The following TIMP2 variants were observed in gnomAD, a reference collection of about 807,000 sequenced individuals.
TIMP2 encodes TIMP metallopeptidase inhibitor 2.
Under a neutral mutation model 24.3 loss-of-function variants are expected in TIMP2, and 5 were observed. The ratio of observed to expected loss-of-function variants is 0.21; its 90% CI spans 0.11 to 0.43. TIMP2 has a LOEUF of 0.43. TIMP2 is among the 20% of genes least tolerant of loss of function. TIMP2 has a pLI of 1.00. For synonymous variants in TIMP2, 130 were observed against 123.2 expected, an observed-to-expected ratio of 1.06 and a Z score of -0.37; for missense variants, 221 against 297.5, an observed-to-expected ratio of 0.74 and a Z score of 1.89.
chr17:78,865,045 G>A (rs1038945298), intron 3 of TIMP2, among the ~76,000 whole-genome samples: 4 of 151,804 alleles, frequency 2.6e-5, no homozygotes, highest in Admixed American at 2.0e-4. Flanking sequence ...TGTTGCCTCC[G>A]TCTCATAAAT....
At chr17:78,874,116 G>GCCT (rs981765631) in intron 1 of TIMP2, 197 bp from the exon 2 acceptor site, 4 of 533,356 alleles carry the variant, frequency 7.5e-6, no homozygotes, top group Non-Finnish European at 1.3e-5. Flanking sequence ...ATGATGCCCA[G>GCCT]CCTCCTCCTC....
At chr17:78,899,032 C>T (rs1172918165) in intron 1 of TIMP2, 1 of 152,058 alleles carries the variant, frequency 6.6e-6, no homozygotes, top group African/African-American at 2.4e-5. Context: ...GCCCCCGCAC[C>T]CGCCAGACTC....
intron 1 of TIMP2, among the ~76,000 whole-genome samples, chr17:78,911,713 G>A (rs1418838600): frequency 6.6e-6 from 1 of 151,996 alleles, no homozygotes; most frequent in African/African-American, 2.4e-5. Context: ...TTACAGGCAT[G>A]AGCCACCCCA....
At chr17:78,862,180 G>A (rs2069572481) in intron 3 of TIMP2, among the ~76,000 whole-genome samples, 1 of 152,246 alleles carries the variant, frequency 6.6e-6, no homozygotes, top group African/African-American at 2.4e-5. Context: ...ACGTGAGACT[G>A]AGTCATCGGT....
At chr17:78,871,091 G>A in intron 2 of TIMP2, 85 bp from the exon 3 acceptor site, 1 of 1,144,740 alleles carries the variant, frequency 8.7e-7, no homozygotes, top group Non-Finnish European at 1.3e-6. Context: ...ACCCTGGGCG[G>A]CACAACCTGT....
At chr17:78,912,169 C>T (rs983697656) in intron 1 of TIMP2, among the ~76,000 whole-genome samples, 8 of 152,194 alleles carry the variant, frequency 5.3e-5, no homozygotes, top group African/African-American at 1.9e-4. Flanking sequence ...GGATTCAGAA[C>T]CAGTCCCACT....
intron 3 of TIMP2, among the ~76,000 whole-genome samples, chr17:78,866,012 C>CAG (rs35707025): frequency 0.19 from 28,578 of 152,110 alleles, 3,192 homozygotes; most frequent in African/African-American, 0.3. Context: ...TAGGAACAAA[C>CAG]AGGATGCAGA....
rs111970104 is a variant in TIMP2 at position 78,866,708 on chromosome 17, T to C, written c.340+4190A>G. ...ATCCATACAGTGGAATACTCAGTCATAGAAAGGAATGAAATTCTGATACAC... is the reference window on the plus strand; with the variant it reads ...ATCCATACAGTGGAATACTCAGTCACAGAAAGGAATGAAATTCTGATACAC... On this transcript the variant is annotated intron_variant, in intron 3 of 4. Coordinates refer to ENST00000262768, the MANE Select transcript of TIMP2 (RefSeq NM_003255.5). Among the ~76,000 whole-genome samples the C allele has an allele frequency of 6.1e-3, 927 of 152,166 alleles. 8 individuals are homozygous for C. Among genetic ancestry groups the C allele is most frequent in the African/African-American group, 0.021 (864 of 41,488 alleles).
chr17:78,899,026 C>G (rs1182918472), intron 1 of TIMP2: 1 of 152,362 alleles, frequency 6.6e-6, no homozygotes, highest in East Asian at 1.9e-4. Context: ...GCATGAGCCC[C>G]CGCACCCGCC....
rs982321367 is a variant in TIMP2, at chr17:78,920,366, G to C, written c.130+4593C>G. 3.3e-5 allele frequency among the ~76,000 whole-genome samples: 5 copies of C among 152,194 alleles called. No homozygotes were observed. Among genetic ancestry groups the C allele is most frequent in the African/African-American group, 1.2e-4 (5 of 41,450 alleles). ...CGTGGCTCTGCACCCCCAGAAGGGT[G>C]CAAATAGGGGAGGCCCGAGAGGCTC... On this transcript the variant is annotated intron_variant, in intron 1 of 4. Coordinates refer to ENST00000262768, the MANE Select transcript of TIMP2 (RefSeq NM_003255.5). This position sits in a 1 kb window ranked among gnomAD's most constrained non-coding sequence, Gnocchi z 4.5.
At chr17:78,907,840 T>G (rs2070174946) in intron 1 of TIMP2, among the ~76,000 whole-genome samples, 2 of 152,166 alleles carry the variant, frequency 1.3e-5, no homozygotes, top group Non-Finnish European at 2.9e-5. Flanking sequence ...CCCTCATGTG[T>G]CCAAACGTTC....
intron 3 of TIMP2, among the ~76,000 whole-genome samples, chr17:78,860,442 T>C (rs2069558801): frequency 6.6e-6 from 1 of 152,214 alleles, no homozygotes; most frequent in African/African-American, 2.4e-5. Flanking sequence ...GAAGGACTAA[T>C]GCAGCTCATC....
chr17:78,856,847 C>T (rs2069527944), intron 4 of TIMP2: 1 of 152,314 alleles, frequency 6.6e-6, no homozygotes, highest in Non-Finnish European at 1.5e-5. Context: ...ATAAGCCACA[C>T]AGGCGTTTGC....
At chr17:78,922,638 C>T (rs965105715) in intron 1 of TIMP2, among the ~76,000 whole-genome samples, 8 of 151,910 alleles carry the variant, frequency 5.3e-5, no homozygotes, top group Admixed American at 3.9e-4. Context: ...GCCAACATGG[C>T]GAATTCCTGT....
rs1461631561 is a variant in TIMP2, at chr17:78,924,926, C to A, written c.130+33G>T. 1.7e-6 allele frequency: 2 copies of A among 1,199,508 alleles called. No homozygotes were observed. The highest frequency in any genetic ancestry group is 1.0e-6 in the Non-Finnish European group (1 of 960,060). 74.3% of individuals were successfully genotyped at this position (1,199,508 alleles called of 1,614,324 possible). On this transcript the variant is annotated intron_variant, in intron 1 of 4. Coordinates refer to ENST00000262768, the MANE Select transcript of TIMP2 (RefSeq NM_003255.5). The surrounding 1 kb of genome is among the most constrained non-coding windows in gnomAD (Gnocchi z 5.3). ...CCTCGGGGTCGCGGGGGAGGTGGGG[C>A]CCCGCGCGGGGGCTGGGGTCGCCGC...
rs1002039397 is a variant in TIMP2 at position 78,891,463 on chromosome 17, C to A, written c.131-17544G>T. 7 of 1,551,010 alleles carry A rather than the reference C, an allele frequency of 4.5e-6. No individual in the cohort carries two copies. In the African/African-American group the frequency reaches 9.6e-5, roughly 21 times the overall value. ...TCAGCTTTCTGTTTATATTAAACAACTCTTCAAAGGCCAACTCCAGCTCTT... is the reference window on the plus strand; with the variant it reads ...TCAGCTTTCTGTTTATATTAAACAAATCTTCAAAGGCCAACTCCAGCTCTT... On this transcript the variant is annotated intron_variant, in intron 1 of 4. Transcript: ENST00000262768. The surrounding 1 kb of genome is among the most constrained non-coding windows in gnomAD (Gnocchi z 4.5).
intron 3 of TIMP2, 55 bp downstream of exon 3, chr17:78,870,843 A>G: frequency 1.3e-6 from 2 of 1,510,452 alleles, no homozygotes; most frequent in Non-Finnish European, 1.8e-6. Context: ...GACCGCGTCT[A>G]GGAACAGCCC....
intron 3 of TIMP2, among the ~76,000 whole-genome samples, chr17:78,867,859 A>G (rs2069632043): frequency 6.6e-6 from 1 of 151,778 alleles, no homozygotes. Flanking sequence ...TCGGCCTCCC[A>G]AAGTGCTAGG....
At chr17:78,871,722 T>C (rs1210589632) in intron 2 of TIMP2, among the ~76,000 whole-genome samples, 1 of 151,434 alleles carries the variant, frequency 6.6e-6, no homozygotes. Context: ...GGCGGGCGCC[T>C]GTAGTCCCAG....
Sources: gnomAD v4.1 joint callset for allele counts (sites outside exome capture counted in the v4.1 genomes callset) on GRCh38, gnomAD v4.1.1 for gene constraint, Gnocchi (gnomAD v3.1) non-coding constraint, MANE v1.5 for transcripts, NCBI Gene and HGNC (gene_info 2026-07-23, HGNC 2026-07-21) for gene names.